FAM185A: variants seen among roughly 807,000 people sequenced by gnomAD.
FAM185A encodes family with sequence similarity 185 member A.
FAM185A carries 21 observed loss-of-function variants against 45.7 expected under a neutral mutation model. That is an observed-to-expected ratio of 0.46 (90% CI 0.33 to 0.66). The LOEUF (loss-of-function observed/expected upper bound fraction) is 0.66, where lower values mean the gene tolerates loss of function less well. FAM185A is among the 30% of genes least tolerant of loss of function. The probability of loss-of-function intolerance (pLI) is 0.03; values close to 1 mark genes in which losing one functional copy is unlikely to be tolerated. For missense variants in FAM185A, 305 were observed against 485.4 expected (o/e 0.63, Z 3.49); for synonymous variants, 117 against 194.0 (o/e 0.60, Z 3.30).
chr7:102,752,574 TTAA>T (rs1406481981), intron 2 of FAM185A, among the ~76,000 whole-genome samples: 12 of 149,888 alleles, frequency 8.0e-5, no homozygotes, highest in African/African-American at 2.2e-4. Context: ...CCGGCTGTAA[TTAA>T]TTTTTTTTTT....
chr7:102,819,945 G>A, the FAM185A span, among the ~76,000 whole-genome samples: 2 of 152,114 alleles, frequency 1.3e-5, 1 homozygote, highest in South Asian at 4.1e-4. Context: ...ATGCAACTAG[G>A]CCCCCTTACA....
At chr7:102,753,535 G>A (rs1445493179) in intron 2 of FAM185A, among the ~76,000 whole-genome samples, 1 of 152,044 alleles carries the variant, frequency 6.6e-6, no homozygotes, top group Non-Finnish European at 1.5e-5. Context: ...CCTTTTAGAT[G>A]CCAGTAGCAT....
chr7:102,789,245 G>T (rs1375303541), intron 7 of FAM185A, among the ~76,000 whole-genome samples: 5 of 152,098 alleles, frequency 3.3e-5, no homozygotes, highest in Non-Finnish European at 7.4e-5. Flanking sequence ...AGCCTCCCTA[G>T]TAGCTAGGTT....
chr7:102,832,019 G>C, the FAM185A span, among the ~76,000 whole-genome samples: 5 of 151,964 alleles, frequency 3.3e-5, no homozygotes, highest in Admixed American at 1.3e-4. Context: ...AAAAAACAAG[G>C]CAAAACACAA....
chr7:102,813,462 C>T (rs995935155), downstream of FAM185A: 2 of 1,614,014 alleles, frequency 1.2e-6, no homozygotes, highest in Non-Finnish European at 1.7e-6. Flanking sequence ...CATAGCCAAA[C>T]CAACGTGGAG....
intron 6 of FAM185A, among the ~76,000 whole-genome samples, chr7:102,785,090 G>C (rs184794418): frequency 0.05 from 7,553 of 152,148 alleles, 262 homozygotes; most frequent in East Asian, 0.13. Context: ...TTGCTTCAAA[G>C]AGAATAAAAT....
rs568031204 is a variant in FAM185A, at chr7:102,794,593, T to A, written c.1066+7124T>A. Among the ~76,000 whole-genome samples the A allele has an allele frequency of 2.2e-3, 341 of 152,242 alleles. 2 individuals are homozygous for A. The highest frequency in any genetic ancestry group is 7.8e-3 in the African/African-American group (326 of 41,556). On this transcript the variant is annotated intron_variant, in intron 7 of 7. Transcript: ENST00000413034. ...GATACAGCTACTCTATAACTCAGTC[T>A]GGCAGTTTCTTAAAAAAATAGAAAA...
intron 2 of FAM185A, among the ~76,000 whole-genome samples, chr7:102,752,525 C>T (rs1414114770): frequency 2.0e-5 from 3 of 151,956 alleles, no homozygotes; most frequent in Non-Finnish European, 4.4e-5. Flanking sequence ...CTGCCTTGGC[C>T]TCCCAAAGTG....
At chr7:102,757,238 G>C (rs1310546197) in intron 2 of FAM185A, among the ~76,000 whole-genome samples, 5 of 151,712 alleles carry the variant, frequency 3.3e-5, no homozygotes, top group Non-Finnish European at 2.9e-5. Context: ...CTGTCCTTCA[G>C]ACCGGTCCAG....
chr7:102,844,543 G>A, the FAM185A span, among the ~76,000 whole-genome samples: 3 of 152,178 alleles, frequency 2.0e-5, no homozygotes, highest in Non-Finnish European at 1.5e-5. Flanking sequence ...AGAGAGCTTA[G>A]AGGAAACACA....
At chr7:102,829,657 T>G in the FAM185A span, among the ~76,000 whole-genome samples, 6 of 152,166 alleles carry the variant, frequency 3.9e-5, no homozygotes, top group African/African-American at 1.4e-4. Context: ...TTGTTTTCCT[T>G]GGCATTTTAG....
At chr7:102,807,748 C>CT (rs201502565) in intron 7 of FAM185A, among the ~76,000 whole-genome samples, 20 of 136,528 alleles carry the variant, frequency 1.5e-4, no homozygotes, top group East Asian at 2.9e-4. Context: ...CCCGTCTCCA[C>CT]TTAAAAAAAA....
downstream of FAM185A, among the ~76,000 whole-genome samples, chr7:102,812,881 C>T (rs1179607692): frequency 1.6e-5 from 2 of 128,732 alleles, no homozygotes; most frequent in East Asian, 2.3e-4. Flanking sequence ...CTTGCTCTGT[C>T]GCCGAGGCTG....
chr7:102,766,889 A>C (rs1486847903), intron 4 of FAM185A, among the ~76,000 whole-genome samples: 1 of 151,868 alleles, frequency 6.6e-6, no homozygotes, highest in African/African-American at 2.4e-5. Context: ...TCCACTACCC[A>C]GGTTCAAACA....
intron 7 of FAM185A, among the ~76,000 whole-genome samples, chr7:102,792,181 A>G (rs1430404443): frequency 6.6e-6 from 1 of 150,614 alleles, no homozygotes; most frequent in African/African-American, 2.5e-5. Context: ...CAGCTCTATA[A>G]TTTTATTTGA....
intron 4 of FAM185A, among the ~76,000 whole-genome samples, chr7:102,764,736 T>G (rs940769935): frequency 6.0e-5 from 9 of 150,828 alleles, no homozygotes; most frequent in Non-Finnish European, 1.3e-4. Context: ...GAAAACAAAC[T>G]GAGAATATAT....
At chr7:102,838,598 A>G in the FAM185A span, among the ~76,000 whole-genome samples, 1 of 152,100 alleles carries the variant, frequency 6.6e-6, no homozygotes, top group Non-Finnish European at 1.5e-5. Context: ...ACCCTGAACA[A>G]TTGCTTTGCC....
intron 5 of FAM185A, among the ~76,000 whole-genome samples, chr7:102,776,116 A>ACACATATACACACACACAC (rs1198677194): frequency 1.6e-5 from 2 of 126,584 alleles, no homozygotes; most frequent in African/African-American, 7.4e-5. Flanking sequence ...ACACACACAC[A>ACACATATACACACACACAC]AATGTTTTCT....
At chr7:102,764,533 AT>A (rs2129434747) in intron 4 of FAM185A, among the ~76,000 whole-genome samples, 1 of 132,290 alleles carries the variant, frequency 7.6e-6, no homozygotes, top group East Asian at 2.2e-4. Flanking sequence ...TTTGGTGGGA[AT>A]TATTTCTCCC....
Sources: allele counts gnomAD v4.1 joint callset (sites outside exome capture counted in the v4.1 genomes callset), GRCh38; gene constraint gnomAD v4.1.1; transcripts MANE v1.5; gene names NCBI Gene and HGNC (gene_info 2026-07-23, HGNC 2026-07-21).